The following FREM1 variants were observed in gnomAD, a reference collection of about 807,000 sequenced individuals.
FREM1 encodes the protein FRAS1-related extracellular matrix protein 1.
Under a neutral mutation model 210.1 loss-of-function variants are expected in FREM1, and 220 were observed. The observed-to-expected ratio is 1.05, with a 90% CI of 0.94 to 1.17. The LOEUF is 1.17. FREM1 is among the 50% of genes most tolerant of loss of function. The probability of loss-of-function intolerance (pLI) is 0.00; values close to 1 mark genes in which losing one functional copy is unlikely to be tolerated. For missense variants in FREM1, 3,454 were observed against 2,675.5 expected, an observed-to-expected ratio of 1.29 and a Z score of -6.42; for synonymous variants, 1,189 against 980.2, an observed-to-expected ratio of 1.21 and a Z score of -3.98.
Position 14,784,618 on chromosome 9 carries a change from A to G in FREM1, c.4194T>C (p.Leu1398=), listed in dbSNP as rs769106153. 1 of 1,584,366 alleles carries G rather than the reference A, an allele frequency of 6.3e-7. No individual in the cohort carries two copies. The highest frequency in any genetic ancestry group is 1.8e-5 in the Admixed American group (1 of 56,748). ...CTTTAGACACCACGAGTGGTTTTGTAAGGATGACAATATCACCTACATGAC... is the reference window on the plus strand; with the variant it reads ...CTTTAGACACCACGAGTGGTTTTGTGAGGATGACAATATCACCTACATGAC... ...KDMEKGDIVI[L]TKPLVVSKGD... The change falls in exon 24 of 37, where the codon CTT becomes CTC. Residue 1398 remains leucine (L), a synonymous_variant. Coordinates refer to ENST00000380880, the MANE Select transcript of FREM1 (RefSeq NM_001379081.2).
At chr9:14,738,988 T>C (rs1463230723) in intron 36 of FREM1, among the ~76,000 whole-genome samples, 3 of 112,636 alleles carry the variant, frequency 2.7e-5, no homozygotes, top group African/African-American at 1.1e-4. Context: ...CCAGCCTGGG[T>C]GACACAGTGA....
chr9:14,857,713 C>G lies in FREM1; in HGVS notation c.668G>C (p.Cys223Ser). The change falls in exon 5 of 37, where the codon TGT becomes TCT. Residue 223 changes from cysteine (C) to serine (S), a missense_variant. Cys to Ser is a moderately radical substitution (Grantham distance 112, BLOSUM62 -1). Transcript: ENST00000380880. Reference protein sequence around the residue: ...RAKLKCPGGSCTPGLKKIGSL... With the variant: ...RAKLKCPGGSSTPGLKKIGSL... The stretch of plus-strand genomic sequence containing the variant: ...TCCTATTTTCTTTAATCCTGGGGTA[C>G]AGCTCCCACCTGGACACTTCAGTTT... 5.0e-6 allele frequency: 8 copies of G among 1,612,332 alleles called. No homozygotes were observed. Among genetic ancestry groups the G allele is most frequent in the Non-Finnish European group, 6.8e-6 (8 of 1,179,014 alleles).
At chr9:14,775,765 A>G in intron 25 of FREM1, 24 bp downstream of exon 25, 3 of 1,468,294 alleles carry the variant, frequency 2.0e-6, no homozygotes, top group Non-Finnish European at 2.8e-6. Context: ...TCTCTGGCAA[A>G]TGAACTGTGT....
intron 5 of FREM1, among the ~76,000 whole-genome samples, chr9:14,853,923 G>A (rs116310398): frequency 1.5e-4 from 23 of 152,282 alleles, no homozygotes; most frequent in African/African-American, 5.1e-4. Context: ...AAATAAGTAC[G>A]TTATTTTAAA....
intron 1 of FREM1, 26 bp from the exon 2 acceptor site, chr9:14,869,270 T>A (rs117666063): frequency 0.011 from 3,698 of 333,810 alleles, 33 homozygotes; most frequent in Middle Eastern, 0.015. Context: ...GGGGTTGGAG[T>A]AAAGCGAGAG....
At position 14,806,789 on chromosome 9, in the gene FREM1, G is replaced by C. The variant is rs199961802; in HGVS notation, c.3146C>G (p.Ser1049Cys). Reference sequence around the variant, plus strand: ...TGCTGCAGTGTCAGGGTCAGTGGCGGACAAATGGTTAACAGTAAGGGCTGT... The same window carrying C: ...TGCTGCAGTGTCAGGGTCAGTGGCGCACAAATGGTTAACAGTAAGGGCTGT... ...CSTALTVNHL[S>C]ATDPDTAADD... The change falls in exon 18 of 37, where the codon TCC becomes TGC. Residue 1049 changes from serine to cysteine, a missense_variant. Coordinates refer to ENST00000380880, the MANE Select transcript of FREM1 (RefSeq NM_001379081.2). 1,485 of 1,607,786 alleles carry C rather than the reference G, an allele frequency of 9.2e-4. 3 individuals carry two copies. The highest frequency in any genetic ancestry group is 2.4e-3 in the Admixed American group (140 of 59,230).
chr9:14,853,922 C>T (rs372177795), intron 5 of FREM1, among the ~76,000 whole-genome samples: 5 of 152,156 alleles, frequency 3.3e-5, no homozygotes, highest in Middle Eastern at 3.4e-3. Flanking sequence ...TAAATAAGTA[C>T]GTTATTTTAA....
At chr9:14,895,520 G>A (rs1267784696) in intron 1 of FREM1, among the ~76,000 whole-genome samples, 1 of 152,016 alleles carries the variant, frequency 6.6e-6, no homozygotes, top group Non-Finnish European at 1.5e-5. Flanking sequence ...GGCACATATT[G>A]GAATCAGCTA....
rs1450476224 is a variant in FREM1, at chr9:14,746,585, G to T, written c.6139-117C>A. On this transcript the variant is annotated intron_variant, in intron 34 of 36. Coordinates refer to ENST00000380880, the MANE Select transcript of FREM1 (RefSeq NM_001379081.2). ...GTCAAGTAGTTTGGTTACCACAAAG[G>T]GAGTCAGCCCTAATCCCAATTCTCC... is the stretch of plus-strand genomic sequence containing the variant. 1.4e-5 allele frequency: 11 copies of T among 776,248 alleles called. No individual in the cohort carries two copies. The East Asian group carries it at 2.8e-4, about 20-fold the overall frequency. The allele number at this position is 776,248 out of a possible 1,614,324, so 48.1% of individuals were successfully genotyped here.
intron 24 of FREM1, among the ~76,000 whole-genome samples, chr9:14,776,734 G>C (rs553902523): frequency 6.6e-6 from 1 of 152,226 alleles, no homozygotes; most frequent in East Asian, 1.9e-4. Flanking sequence ...CTTAATAGCA[G>C]ATCACATTTC....
chr9:14,885,668 C>T (rs923297778), intron 1 of FREM1, among the ~76,000 whole-genome samples: 1 of 152,104 alleles, frequency 6.6e-6, no homozygotes, highest in African/African-American at 2.4e-5. Context: ...GCTATTCTTC[C>T]ATCTTAGCCT....
At chr9:14,909,005 C>A (rs1180543810) in intron 1 of FREM1, among the ~76,000 whole-genome samples, 1 of 152,074 alleles carries the variant, frequency 6.6e-6, no homozygotes, top group African/African-American at 2.4e-5. Context: ...TCAGGAACAG[C>A]GGGTGTCAGT....
intron 15 of FREM1, among the ~76,000 whole-genome samples, chr9:14,816,275 C>T (rs1055918686): frequency 6.6e-6 from 1 of 152,108 alleles, no homozygotes; most frequent in Non-Finnish European, 1.5e-5. Context: ...AGTACTACTA[C>T]TTCATCATTA....
chr9:14,746,235 A>G (rs1167144292), intron 35 of FREM1, 118 bp downstream of exon 35: 13 of 693,622 alleles, frequency 1.9e-5, no homozygotes, highest in Admixed American at 5.5e-5. Context: ...AAACAAAGCC[A>G]GGCAGATATT....
chr9:14,883,548 G>A (rs138656094), intron 1 of FREM1, among the ~76,000 whole-genome samples: 20 of 152,264 alleles, frequency 1.3e-4, no homozygotes, highest in African/African-American at 4.6e-4. Flanking sequence ...CGAGCAGACC[G>A]AGAAAGGGCC....
chr9:14,739,831 TA>T (rs1255819306), intron 36 of FREM1, among the ~76,000 whole-genome samples: 1 of 151,942 alleles, frequency 6.6e-6, no homozygotes, highest in Non-Finnish European at 1.5e-5. Context: ...GGCTGTACTA[TA>T]ATTTATTTAA....
intron 20 of FREM1, among the ~76,000 whole-genome samples, chr9:14,799,263 G>C (rs1563955669): frequency 6.6e-6 from 1 of 151,262 alleles, no homozygotes; most frequent in Non-Finnish European, 1.5e-5. Context: ...TCCAGCCTAA[G>C]TGACAGTGCA....
At chr9:14,761,683 T>C (rs1160100958) in intron 27 of FREM1, among the ~76,000 whole-genome samples, 1 of 152,198 alleles carries the variant, frequency 6.6e-6, no homozygotes, top group Non-Finnish European at 1.5e-5. Flanking sequence ...CTGAGTAGTG[T>C]GATGAAATCT....
chr9:14,857,437 T>C lies in FREM1; in HGVS notation c.828+116A>G, dbSNP rs548762401. 7 of 902,966 alleles carry C rather than the reference T, an allele frequency of 7.8e-6. No homozygotes were observed. In the African/African-American group the frequency reaches 8.1e-5, roughly 11 times the overall value. The allele number at this position is 902,966 out of a possible 1,614,324, so 55.9% of individuals were successfully genotyped here. A position where few individuals can be genotyped will look rare whatever the true frequency, so the allele number is the denominator to read the frequency against. On this transcript the variant is annotated intron_variant, in intron 5 of 36. Coordinates refer to ENST00000380880, the MANE Select transcript of FREM1 (RefSeq NM_001379081.2). Reference sequence around the variant, plus strand: ...CAGTTCCAATGAGTCGCTGGCAGTTTTACCCCCAAAAGCACAGGAACTCTC... The same window carrying C: ...CAGTTCCAATGAGTCGCTGGCAGTTCTACCCCCAAAAGCACAGGAACTCTC...
Sources: allele counts gnomAD v4.1 joint callset (sites outside exome capture counted in the v4.1 genomes callset), GRCh38; gene constraint gnomAD v4.1.1; transcripts MANE v1.5; gene names NCBI Gene and HGNC (gene_info 2026-07-23, HGNC 2026-07-21).